EPHA6: variants seen among roughly 807,000 people sequenced by gnomAD.
EPHA6 encodes EPH receptor A6.
A neutral mutation model predicts 112.0 loss-of-function variants in EPHA6; 50 were observed. The ratio of observed to expected loss-of-function variants is 0.45; its 90% CI spans 0.36 to 0.56. EPHA6 has a LOEUF of 0.56. Among genes scored for constraint, EPHA6 ranks in the 20% least tolerant of loss-of-function variants. The pLI, the probability that EPHA6 is intolerant of heterozygous loss-of-function variation, is 0.00. For synonymous variants in EPHA6, 529 were observed against 490.7 expected (o/e 1.08, Z -1.03); for missense variants, 1,280 against 1,417.4 (o/e 0.90, Z 1.56).
chr3:97,544,858 G>T (rs1223161039), intron 11 of EPHA6, among the ~76,000 whole-genome samples: 1 of 152,150 alleles, frequency 6.6e-6, no homozygotes. Context: ...ATTTCTTCTA[G>T]ATTTTCTAGT....
intron 2 of EPHA6, among the ~76,000 whole-genome samples, chr3:96,877,024 T>C (rs2037001700): frequency 6.6e-6 from 1 of 152,108 alleles, no homozygotes; most frequent in Non-Finnish European, 1.5e-5. Flanking sequence ...GTAGATGGCA[T>C]AGTAAGTGCT....
intron 3 of EPHA6, among the ~76,000 whole-genome samples, chr3:97,172,575 G>A (rs916936739): frequency 6.6e-6 from 1 of 151,932 alleles, no homozygotes; most frequent in African/African-American, 2.4e-5. Flanking sequence ...TAGTCATACA[G>A]TTAGACACAA....
At chr3:97,007,636 C>G (rs188703173) in intron 3 of EPHA6, among the ~76,000 whole-genome samples, 3 of 152,170 alleles carry the variant, frequency 2.0e-5, no homozygotes, top group Admixed American at 2.0e-4. Flanking sequence ...TGAATTTGAT[C>G]CTGTCATCAT....
intron 3 of EPHA6, among the ~76,000 whole-genome samples, chr3:97,047,812 A>G (rs990876414): frequency 1.3e-5 from 2 of 152,148 alleles, no homozygotes; most frequent in African/African-American, 2.4e-5. Context: ...AAACCATATC[A>G]AGACATGGGT....
chr3:97,363,646 C>G (rs1329005144), intron 5 of EPHA6, among the ~76,000 whole-genome samples: 1 of 151,926 alleles, frequency 6.6e-6, no homozygotes, highest in East Asian at 1.9e-4. Flanking sequence ...AGTAATTCCA[C>G]TTCTAGATAT....
At chr3:97,107,949 C>A (rs2047616159) in intron 3 of EPHA6, among the ~76,000 whole-genome samples, 1 of 152,022 alleles carries the variant, frequency 6.6e-6, no homozygotes, top group Non-Finnish European at 1.5e-5. Flanking sequence ...AGCAATTATT[C>A]TTGGGTTTTC....
chr3:97,731,777 C>T (rs926436756), intron 15 of EPHA6, among the ~76,000 whole-genome samples: 13 of 151,986 alleles, frequency 8.6e-5, no homozygotes, highest in African/African-American at 3.1e-4. Flanking sequence ...AATCTGAAAC[C>T]AGAAAGTTGA....
chr3:97,190,287 G>A (rs538417386), intron 3 of EPHA6, among the ~76,000 whole-genome samples: 34 of 152,218 alleles, frequency 2.2e-4, no homozygotes, highest in African/African-American at 7.7e-4. Flanking sequence ...ACATATTTAT[G>A]TTTTGCATGA....
At chr3:97,204,173 A>G (rs1163448036) in intron 3 of EPHA6, among the ~76,000 whole-genome samples, 1 of 152,140 alleles carries the variant, frequency 6.6e-6, no homozygotes, top group African/African-American at 2.4e-5. Context: ...AGGAATAGTG[A>G]AATTGTGGAA....
chr3:96,938,843 C>T (rs2040761450), intron 2 of EPHA6, among the ~76,000 whole-genome samples: 1 of 152,084 alleles, frequency 6.6e-6, no homozygotes. Flanking sequence ...TGTCAAAGAC[C>T]TTTTCTGCAT....
At chr3:96,926,002 C>T (rs2107642602) in intron 2 of EPHA6, among the ~76,000 whole-genome samples, 1 of 152,140 alleles carries the variant, frequency 6.6e-6, no homozygotes, top group South Asian at 2.1e-4. Context: ...CTTTGGGGTT[C>T]GTTTGCTCTT....
intron 12 of EPHA6, among the ~76,000 whole-genome samples, chr3:97,596,821 G>T (rs2093595970): frequency 5.0e-5 from 6 of 119,512 alleles, no homozygotes; most frequent in Admixed American, 1.7e-4. Flanking sequence ...GGTTATGTTA[G>T]TTTAAGGTAT....
At chr3:97,619,441 G>A (rs1576097436) in intron 13 of EPHA6, among the ~76,000 whole-genome samples, 1 of 148,170 alleles carries the variant, frequency 6.7e-6, no homozygotes, top group Admixed American at 6.7e-5. Context: ...AAAGGGGGGG[G>A]GGGGCATCCA....
intron 10 of EPHA6, among the ~76,000 whole-genome samples, chr3:97,504,478 G>A (rs2092197068): frequency 6.6e-6 from 1 of 152,124 alleles, no homozygotes; most frequent in African/African-American, 2.4e-5. Context: ...GTGCATGTGG[G>A]CCCTTAGCTT....
chr3:97,216,461 T>G (rs1462686092), intron 3 of EPHA6, among the ~76,000 whole-genome samples: 1 of 152,060 alleles, frequency 6.6e-6, no homozygotes, highest in Non-Finnish European at 1.5e-5. Flanking sequence ...CCAAACCACA[T>G]CAATGTCAAC....
intron 3 of EPHA6, among the ~76,000 whole-genome samples, chr3:97,008,941 C>T (rs191863393): frequency 2.6e-5 from 4 of 152,136 alleles, no homozygotes; most frequent in South Asian, 2.1e-4. Context: ...TCATCTGATT[C>T]GCCCCCCTGC....
At chr3:97,311,898 C>T (rs111898657) in intron 5 of EPHA6, among the ~76,000 whole-genome samples, 7 of 151,504 alleles carry the variant, frequency 4.6e-5, no homozygotes, top group African/African-American at 7.3e-5. Flanking sequence ...GAGAATACAC[C>T]GGATTTATAA....
At chr3:97,462,458 ATCC>A (rs1207129632) in intron 7 of EPHA6, among the ~76,000 whole-genome samples, 1 of 152,136 alleles carries the variant, frequency 6.6e-6, no homozygotes, top group Non-Finnish European at 1.5e-5. Flanking sequence ...CCTCTGTGGA[ATCC>A]TCCTCTGTTT....
intron 12 of EPHA6, among the ~76,000 whole-genome samples, chr3:97,597,167 A>T (rs2093601732): frequency 6.6e-6 from 1 of 151,938 alleles, no homozygotes; most frequent in Admixed American, 6.6e-5. Context: ...TTTGTGGTTA[A>T]TCGTAGAAGC....
Sources: allele counts gnomAD v4.1 joint callset (sites outside exome capture counted in the v4.1 genomes callset), GRCh38; gene constraint gnomAD v4.1.1; transcripts MANE v1.5; gene names NCBI Gene and HGNC (gene_info 2026-07-23, HGNC 2026-07-21).